The following FGF14 variants were observed in gnomAD, a reference collection of about 807,000 sequenced individuals.
The protein encoded by FGF14 is fibroblast growth factor homologous factor 4.
In FGF14, 5 loss-of-function variants were observed where a neutral mutation model predicts 25.5. The ratio of observed to expected loss-of-function variants is 0.20; its 90% CI spans 0.10 to 0.41. The LOEUF is 0.41. FGF14 is among the 10% of genes least tolerant of loss of function. FGF14 has a pLI of 1.00. For missense variants in FGF14, 222 were observed against 320.1 expected (o/e 0.69, Z 2.34); for synonymous variants, 138 against 118.3 (o/e 1.17, Z -1.08).
chr13:101,834,580 C>T (rs73561276), intron 3 of FGF14, among the ~76,000 whole-genome samples: 3,281 of 152,094 alleles, frequency 0.022, 120 homozygotes, highest in African/African-American at 0.074. Flanking sequence ...CATTCTAAAA[C>T]AGGATTTCAA....
chr13:101,833,978 T>G (rs752049005), intron 3 of FGF14, among the ~76,000 whole-genome samples: 4 of 152,090 alleles, frequency 2.6e-5, no homozygotes, highest in Non-Finnish European at 5.9e-5. Flanking sequence ...ATAATCCTAA[T>G]TCATATCTAG....
chr13:102,124,413 T>A (rs2045864708), intron 1 of FGF14, among the ~76,000 whole-genome samples: 1 of 152,064 alleles, frequency 6.6e-6, no homozygotes, highest in African/African-American at 2.4e-5. Context: ...GTTGTAGCCA[T>A]AGTGGGGTTC....
At chr13:102,212,412 T>TCC (rs377391784) in intron 1 of FGF14, among the ~76,000 whole-genome samples, 195 of 152,150 alleles carry the variant, frequency 1.3e-3, no homozygotes, top group African/African-American at 4.6e-3. Flanking sequence ...TGAACCTGAA[T>TCC]CCCCCTGACC....
chr13:102,033,247 C>A (rs991361969), intron 1 of FGF14, among the ~76,000 whole-genome samples: 6 of 152,002 alleles, frequency 3.9e-5, no homozygotes, highest in Non-Finnish European at 1.5e-5. Context: ...CATGGAAAAT[C>A]ATGGTGTGAC....
chr13:101,982,094 ACAAT>A (rs1414410589), intron 1 of FGF14, among the ~76,000 whole-genome samples: 16 of 152,220 alleles, frequency 1.1e-4, no homozygotes, highest in African/African-American at 3.4e-4. Flanking sequence ...ATAAAATTTG[ACAAT>A]CAAAGAGAAC....
chr13:101,780,194 C>T (rs997483755), intron 3 of FGF14, among the ~76,000 whole-genome samples: 2 of 152,034 alleles, frequency 1.3e-5, no homozygotes, highest in South Asian at 4.1e-4. Context: ...ATAAGGTTCC[C>T]CACTTGTTGG....
chr13:101,904,881 A>G (rs1031035734), intron 1 of FGF14, among the ~76,000 whole-genome samples: 6 of 152,216 alleles, frequency 3.9e-5, no homozygotes, highest in Non-Finnish European at 7.3e-5. Context: ...TATTCTTGAA[A>G]CTTTAGCAAC....
intron 1 of FGF14, among the ~76,000 whole-genome samples, chr13:102,099,738 T>G (rs2044570649): frequency 6.6e-6 from 1 of 152,092 alleles, no homozygotes; most frequent in Non-Finnish European, 1.5e-5. Context: ...ATTAAATTAT[T>G]TGTTAATAAA....
intron 1 of FGF14, among the ~76,000 whole-genome samples, chr13:101,985,068 GGTTTTTTTTTT>G (rs1773840418): frequency 1.6e-5 from 2 of 126,544 alleles, no homozygotes; most frequent in African/African-American, 7.1e-5. Flanking sequence ...TGAATTCAAG[GGTTTTTTTTTT>G]GTTTTTTTTT....
intron 1 of FGF14, among the ~76,000 whole-genome samples, chr13:102,032,542 C>A (rs9585837): frequency 0.077 from 11,750 of 152,096 alleles, 975 homozygotes; most frequent in African/African-American, 0.21. Flanking sequence ...TTTGGAAATT[C>A]CAGTATAGAA....
intron 1 of FGF14, among the ~76,000 whole-genome samples, chr13:102,222,678 A>G (rs2050665938): frequency 6.6e-6 from 1 of 152,220 alleles, no homozygotes; most frequent in Non-Finnish European, 1.5e-5. Flanking sequence ...CTTTTAAGAT[A>G]CAGGTCAGCA....
intron 1 of FGF14, among the ~76,000 whole-genome samples, chr13:102,170,384 G>A (rs904987464): frequency 4.6e-5 from 7 of 150,720 alleles, no homozygotes; most frequent in African/African-American, 1.7e-4. Context: ...CCTCCTCTTC[G>A]TCCTTCTCCT....
chr13:101,816,714 A>T (rs2041866028), intron 3 of FGF14, among the ~76,000 whole-genome samples: 2 of 152,146 alleles, frequency 1.3e-5, no homozygotes, highest in African/African-American at 4.8e-5. Flanking sequence ...ATTCTATCAT[A>T]TAGGTATCTG....
intron 1 of FGF14, among the ~76,000 whole-genome samples, chr13:101,968,441 A>C (rs930523356): frequency 1.1e-4 from 17 of 152,122 alleles, no homozygotes; most frequent in African/African-American, 3.9e-4. Flanking sequence ...TGGGAGACCG[A>C]GGCAGGCGGA....
intron 1 of FGF14, among the ~76,000 whole-genome samples, chr13:102,276,378 T>C (rs182786209): frequency 0.064 from 6,286 of 98,252 alleles, 509 homozygotes; most frequent in African/African-American, 0.2. Context: ...TATATATATA[T>C]ATACACATTA....
Position 102,048,531 on chromosome 13 carries a change from C to T in FGF14, c.209-173235G>A, listed in dbSNP as rs145179092. Among the ~76,000 whole-genome samples, 37 of 152,230 alleles carry T rather than the reference C, an allele frequency of 2.4e-4. No individual in the cohort carries two copies. The East Asian group carries it at 6.0e-3, about 25-fold the overall frequency. On this transcript the variant is annotated intron_variant, in intron 1 of 4. Coordinates refer to the FGF14 transcript ENST00000376131. ...AGGCTTAGAAGTTCAGTGACTTGCC[C>T]GCTGTCGTGTATGACAGATCTGAAA...
intron 1 of FGF14, among the ~76,000 whole-genome samples, chr13:101,893,955 A>T (rs2030200536): frequency 6.6e-6 from 1 of 151,652 alleles, no homozygotes; most frequent in Non-Finnish European, 1.5e-5. Context: ...GAGGCATCAT[A>T]AGGCAGGTCC....
At chr13:101,826,173 G>A (rs759690409) in intron 3 of FGF14, among the ~76,000 whole-genome samples, 4 of 152,010 alleles carry the variant, frequency 2.6e-5, no homozygotes, top group Non-Finnish European at 5.9e-5. Context: ...GTTAAAACAT[G>A]CAGCCATAAA....
At chr13:102,234,199 CTTAATA>C (rs2051217846) in intron 1 of FGF14, among the ~76,000 whole-genome samples, 1 of 151,612 alleles carries the variant, frequency 6.6e-6, no homozygotes, top group Non-Finnish European at 1.5e-5. Context: ...TGTGAAGGTA[CTTAATA>C]CCATGGAAAT....
Sources: gnomAD v4.1 joint callset for allele counts (sites outside exome capture counted in the v4.1 genomes callset) on GRCh38, gnomAD v4.1.1 for gene constraint, MANE v1.5 for transcripts, NCBI Gene and HGNC (gene_info 2026-07-23, HGNC 2026-07-21) for gene names.